The following SEMA6D variants were observed in gnomAD, a reference collection of about 807,000 sequenced individuals.
The protein encoded by SEMA6D is semaphorin 6D.
Under a neutral mutation model 106.6 loss-of-function variants are expected in SEMA6D, and 35 were observed. That is an observed-to-expected ratio of 0.33 (90% CI 0.25 to 0.44). The LOEUF (loss-of-function observed/expected upper bound fraction) is 0.44. SEMA6D is among the 20% of genes least tolerant of loss of function. The pLI, the probability that SEMA6D is intolerant of heterozygous loss-of-function variation, is 1.00. For synonymous variants in SEMA6D, 499 were observed against 487.7 expected (o/e 1.02, Z -0.31); for missense variants, 1,185 against 1,345.9 (o/e 0.88, Z 1.87).
intron 3 of SEMA6D, among the ~76,000 whole-genome samples, chr15:47,475,072 T>A (rs1411512514): frequency 6.6e-6 from 1 of 152,168 alleles, no homozygotes; most frequent in Admixed American, 6.5e-5. Context: ...TGACATTAAG[T>A]CACTGATATT....
At chr15:47,212,611 T>C (rs1595748606) in intron 1 of SEMA6D, among the ~76,000 whole-genome samples, 2 of 152,364 alleles carry the variant, frequency 1.3e-5, no homozygotes, top group South Asian at 2.1e-4. Context: ...TCTGTAATTC[T>C]ATTTCCTTTT....
chr15:47,202,542 A>G (rs1375175372), intron 1 of SEMA6D, among the ~76,000 whole-genome samples: 1 of 152,158 alleles, frequency 6.6e-6, no homozygotes, highest in African/African-American at 2.4e-5. Flanking sequence ...CCTCCTCCCA[A>G]GGAAAGAATC....
intron 1 of SEMA6D, among the ~76,000 whole-genome samples, chr15:47,196,363 C>G (rs914591383): frequency 3.3e-5 from 5 of 152,124 alleles, no homozygotes; most frequent in African/African-American, 1.2e-4. Flanking sequence ...GAGCCACTGT[C>G]TGATAGAAGG....
At chr15:47,320,932 C>G (rs2036898956) in intron 1 of SEMA6D, among the ~76,000 whole-genome samples, 2 of 152,104 alleles carry the variant, frequency 1.3e-5, no homozygotes, top group Admixed American at 6.6e-5. Context: ...CAAGCACTGC[C>G]TGTTACCTGG....
chr15:47,526,466 C>T (rs1487608666), intron 3 of SEMA6D, among the ~76,000 whole-genome samples: 4 of 152,156 alleles, frequency 2.6e-5, no homozygotes, highest in African/African-American at 9.7e-5. Context: ...CTACTGGGAA[C>T]CTGAATATTA....
intron 2 of SEMA6D, among the ~76,000 whole-genome samples, chr15:47,444,321 A>C (rs1230292348): frequency 6.6e-6 from 1 of 152,140 alleles, no homozygotes; most frequent in Non-Finnish European, 1.5e-5. Flanking sequence ...TAATAGCTAA[A>C]ATGGGCAAGG....
intron 1 of SEMA6D, among the ~76,000 whole-genome samples, chr15:47,320,765 A>G (rs1212447620): frequency 3.9e-5 from 6 of 152,162 alleles, no homozygotes; most frequent in Non-Finnish European, 7.4e-5. Context: ...TCCCTCTTCC[A>G]TGCAGGAAGA....
intron 3 of SEMA6D, among the ~76,000 whole-genome samples, chr15:47,522,556 A>G (rs2044621336): frequency 6.6e-6 from 1 of 152,210 alleles, no homozygotes; most frequent in Non-Finnish European, 1.5e-5. Context: ...CATCCTTTCA[A>G]GAGTTTTTAA....
chr15:47,281,238 A>T (rs558475632), intron 1 of SEMA6D, among the ~76,000 whole-genome samples: 2 of 135,806 alleles, frequency 1.5e-5, no homozygotes, highest in African/African-American at 5.5e-5. Context: ...TATATTTAGG[A>T]TAGTTATCTC....
At chr15:47,338,145 C>T (rs2037648768) in intron 1 of SEMA6D, among the ~76,000 whole-genome samples, 1 of 152,114 alleles carries the variant, frequency 6.6e-6, no homozygotes, top group African/African-American at 2.4e-5. Context: ...GACACAGTAG[C>T]AATTAAAATG....
intron 3 of SEMA6D, among the ~76,000 whole-genome samples, chr15:47,588,448 C>CCCGCT (rs1339454261): frequency 1.3e-5 from 2 of 152,160 alleles, no homozygotes; most frequent in Non-Finnish European, 2.9e-5. Flanking sequence ...ACAGGAGCTG[C>CCCGCT]CCGCTCCTGC....
At position 47,760,391 on chromosome 15, in the gene SEMA6D, G is replaced by A. The variant is rs201777640; in HGVS notation, c.197G>A (p.Arg66Gln). ...GACTTTCAGCTGATGTTGAAAATTC[G>A]AGACACACTTTATATTGCTGGCAGG... ...RLDFQLMLKIRDTLYIAGRDQ... is the reference protein window; with the variant it reads ...RLDFQLMLKIQDTLYIAGRDQ... The change falls in exon 3 of 19, where the codon CGA (arginine) becomes CAA (glutamine). Residue 66 changes from arginine (R) to glutamine (Q), a missense_variant. Transcript: ENST00000536845. 138 of 1,613,388 alleles carry A rather than the reference G, an allele frequency of 8.6e-5. No individual in the cohort carries two copies. In the African/African-American group the frequency reaches 1.6e-3, roughly 18 times the overall value.
At chr15:47,295,661 T>C (rs190024033) in intron 1 of SEMA6D, among the ~76,000 whole-genome samples, 10 of 152,346 alleles carry the variant, frequency 6.6e-5, no homozygotes, top group African/African-American at 2.4e-4. Flanking sequence ...TACAGAATGT[T>C]CTCTTATGGT....
intron 4 of SEMA6D, among the ~76,000 whole-genome samples, chr15:47,690,353 G>GA (rs1175798352): frequency 7.9e-5 from 12 of 151,552 alleles, no homozygotes; most frequent in South Asian, 2.1e-4. Context: ...ATGATAGATG[G>GA]AAAAAAAACG....
intron 4 of SEMA6D, among the ~76,000 whole-genome samples, chr15:47,619,317 A>G (rs1376693510): frequency 1.3e-5 from 2 of 152,176 alleles, no homozygotes; most frequent in Non-Finnish European, 2.9e-5. Flanking sequence ...AGTTAAAGCA[A>G]CGCAAGAGGG....
intron 4 of SEMA6D, among the ~76,000 whole-genome samples, chr15:47,647,203 T>G (rs1371060072): frequency 6.6e-6 from 1 of 152,174 alleles, no homozygotes; most frequent in African/African-American, 2.4e-5. Flanking sequence ...TACTTTACAA[T>G]GTAATAGGCT....
chr15:47,607,294 G>A (rs1369360293), intron 4 of SEMA6D, among the ~76,000 whole-genome samples: 1 of 152,114 alleles, frequency 6.6e-6, no homozygotes, highest in African/African-American at 2.4e-5. Flanking sequence ...TGACCAATAT[G>A]GTTAGATCAC....
intron 4 of SEMA6D, among the ~76,000 whole-genome samples, chr15:47,651,500 A>G (rs956424018): frequency 2.0e-5 from 3 of 152,206 alleles, no homozygotes; most frequent in African/African-American, 7.2e-5. Flanking sequence ...TTCCTAATCC[A>G]TTCATAGCTG....
chr15:47,369,270 C>T (rs2039180807), intron 1 of SEMA6D, among the ~76,000 whole-genome samples: 2 of 152,154 alleles, frequency 1.3e-5, no homozygotes, highest in Non-Finnish European at 2.9e-5. Flanking sequence ...TGTTATAATT[C>T]AGTAAAAACA....
Sources: allele counts gnomAD v4.1 joint callset (sites outside exome capture counted in the v4.1 genomes callset), GRCh38; gene constraint gnomAD v4.1.1; transcripts MANE v1.5; gene names NCBI Gene and HGNC (gene_info 2026-07-23, HGNC 2026-07-21).